The following RNF150 variants were observed in gnomAD, a reference collection of about 807,000 sequenced individuals.
RNF150 encodes the protein ring finger protein 150.
RNF150 carries 24 observed loss-of-function variants against 39.3 expected under a neutral mutation model. That is an observed-to-expected ratio of 0.61 (90% CI 0.44 to 0.86). The LOEUF is 0.86. RNF150 is among the 40% of genes least tolerant of loss of function. The probability of loss-of-function intolerance (pLI) is 0.00; values close to 1 mark genes in which losing one functional copy is unlikely to be tolerated. For missense variants in RNF150, 502 were observed against 587.8 expected (o/e 0.85, Z 1.51); for synonymous variants, 255 against 227.3 (o/e 1.12, Z -1.10).
intron 1 of RNF150, among the ~76,000 whole-genome samples, chr4:141,110,398 G>T (rs948165034): frequency 2.0e-5 from 3 of 151,944 alleles, no homozygotes; most frequent in South Asian, 4.2e-4. Context: ...TTAAAGCAAG[G>T]CCCCTAAGCC....
rs1728481794 is a variant in RNF150, at chr4:140,861,318, C to T, written c.*6943G>A. 6.6e-6 allele frequency: 1 copy of T among 152,190 alleles called. No homozygotes were observed. Among genetic ancestry groups the T allele is most frequent in the Non-Finnish European group, 1.5e-5 (1 of 68,034 alleles). The allele number at this position is 152,190 out of a possible 1,614,324, so 9.4% of individuals were successfully genotyped here. A position where few individuals can be genotyped will look rare whatever the true frequency, so the allele number is the denominator to read the frequency against. Reference sequence around the variant, plus strand: ...GGCATCTTCTTTGCAAACAGAGCAACATTATCCTTCAACATTTTGCAGAAG... The same window carrying T: ...GGCATCTTCTTTGCAAACAGAGCAATATTATCCTTCAACATTTTGCAGAAG... On this transcript the variant is annotated 3_prime_UTR_variant, in exon 7 of 7. Coordinates refer to ENST00000515673, the MANE Select transcript of RNF150 (RefSeq NM_020724.2).
intron 1 of RNF150, among the ~76,000 whole-genome samples, chr4:141,105,628 C>G (rs1224988049): frequency 6.6e-6 from 1 of 152,164 alleles, no homozygotes; most frequent in East Asian, 1.9e-4. Context: ...CAAGCCTCAG[C>G]AATCTCAAAT....
At chr4:140,902,410 A>G (rs1560956319) in intron 6 of RNF150, among the ~76,000 whole-genome samples, 1 of 152,266 alleles carries the variant, frequency 6.6e-6, no homozygotes, top group African/African-American at 2.4e-5. Context: ...GCTCTTTACA[A>G]TTTGGTACAC....
intron 1 of RNF150, among the ~76,000 whole-genome samples, chr4:141,036,444 A>C (rs111410439): frequency 1.2e-4 from 19 of 152,300 alleles, no homozygotes; most frequent in African/African-American, 4.1e-4. Context: ...GCAGCATAGT[A>C]GTGCTAACTC....
intron 1 of RNF150, among the ~76,000 whole-genome samples, chr4:141,184,839 C>A (rs528280502): frequency 9.6e-4 from 145 of 150,600 alleles, no homozygotes; most frequent in African/African-American, 3.4e-3. Context: ...TTTCTGAGGC[C>A]TCTGTTTTGT....
intron 6 of RNF150, among the ~76,000 whole-genome samples, chr4:140,874,745 G>A (rs183106517): frequency 2.6e-5 from 4 of 152,142 alleles, no homozygotes; most frequent in Non-Finnish European, 4.4e-5. Flanking sequence ...CTGAATAGCC[G>A]GGACTACAGG....
At chr4:141,000,798 G>A (rs1022832489) in intron 1 of RNF150, among the ~76,000 whole-genome samples, 3 of 152,178 alleles carry the variant, frequency 2.0e-5, no homozygotes, top group South Asian at 2.1e-4. Flanking sequence ...GGGAGGCCAC[G>A]TAAATGTTAA....
chr4:140,895,802 A>T (rs961437892), intron 6 of RNF150, among the ~76,000 whole-genome samples: 5 of 152,176 alleles, frequency 3.3e-5, no homozygotes, highest in Non-Finnish European at 7.4e-5. Flanking sequence ...TTCTTTCAAA[A>T]CTTATCTTTT....
intron 1 of RNF150, chr4:140,996,962 T>A (rs1243925673): frequency 6.6e-6 from 1 of 152,238 alleles, no homozygotes; most frequent in African/African-American, 2.4e-5. Flanking sequence ...ACATACAGTG[T>A]GAAGTAAATT....
chr4:140,917,036 A>T (rs1168573775), intron 5 of RNF150, among the ~76,000 whole-genome samples: 1 of 152,224 alleles, frequency 6.6e-6, no homozygotes, highest in African/African-American at 2.4e-5. Flanking sequence ...AGAGCTCCTG[A>T]AGGAAGCACT....
Position 141,132,776 on chromosome 4 carries a change from A to G in RNF150, c.33T>C (p.Ser11=), listed in dbSNP as rs1474776561. 1 of 1,610,272 alleles carries G rather than the reference A, an allele frequency of 6.2e-7. No homozygotes were observed. Among genetic ancestry groups the G allele is most frequent in the Non-Finnish European group, 8.5e-7 (1 of 1,178,512 alleles). ...AAAGCAGCCATGTTGAGAGAGCCAG[A>G]CTGCAGCACGCTTGGATGAGAGACA... MAMSLIQACC[S]LALSTWLLSF... Residue 11 remains serine (S), a synonymous_variant, in exon 1 of 7, where the codon AGT becomes AGC. Transcript: ENST00000515673. The surrounding 1 kb of genome is among the most constrained non-coding windows in gnomAD (Gnocchi z 4.9).
intron 5 of RNF150, among the ~76,000 whole-genome samples, chr4:140,924,612 C>G (rs907330141): frequency 3.3e-5 from 5 of 152,186 alleles, no homozygotes; most frequent in African/African-American, 1.2e-4. Flanking sequence ...CCCTGAAAGA[C>G]TCAGTTATAG....
At chr4:140,919,272 T>C (rs917239910) in intron 5 of RNF150, among the ~76,000 whole-genome samples, 25 of 144,592 alleles carry the variant, frequency 1.7e-4, no homozygotes, top group African/African-American at 6.2e-4. Context: ...GACATGATTG[T>C]ATATCTAGAA....
At chr4:141,097,468 A>G (rs1238696348) in intron 1 of RNF150, among the ~76,000 whole-genome samples, 1 of 152,218 alleles carries the variant, frequency 6.6e-6, no homozygotes, top group Admixed American at 6.5e-5. Flanking sequence ...ACTAAGTAAT[A>G]AGATAGCCTT....
At chr4:141,044,965 C>T (rs1190879587) in intron 1 of RNF150, among the ~76,000 whole-genome samples, 1 of 152,118 alleles carries the variant, frequency 6.6e-6, no homozygotes, top group African/African-American at 2.4e-5. Flanking sequence ...TTACCATGTG[C>T]CAAGGCATTG....
intron 6 of RNF150, among the ~76,000 whole-genome samples, chr4:140,890,344 G>A (rs112586324): frequency 1.3e-4 from 19 of 151,888 alleles, no homozygotes; most frequent in Admixed American, 2.6e-4. Context: ...TAGTTTATTC[G>A]TCCTTTCCCC....
intron 4 of RNF150, among the ~76,000 whole-genome samples, chr4:140,933,739 T>A (rs760438745): frequency 3.3e-5 from 5 of 152,356 alleles, no homozygotes; most frequent in Non-Finnish European, 7.3e-5. Context: ...TTCCTTGTGA[T>A]GGTGAACTTC....
chr4:140,949,289 G>A lies in RNF150; in HGVS notation c.807+12C>T, dbSNP rs1448876052. 6.3e-7 allele frequency: 1 copy of A among 1,599,456 alleles called. No individual in the cohort carries two copies. Among genetic ancestry groups the A allele is most frequent in the Admixed American group, 1.7e-5 (1 of 58,800 alleles). ...ATAGCTCCTCACCAAAAAGAAAAGA[G>A]GCTGCTATTACCTTGTCACCCTTCT... is the stretch of plus-strand genomic sequence containing the variant. On this transcript the variant is annotated intron_variant, in intron 3 of 6. Transcript: ENST00000515673.
Position 141,190,157 on chromosome 4 carries a change from C to G in RNF150, c.-6+22637G>C, listed in dbSNP as rs144191787. Reference sequence around the variant, plus strand: ...TCTGCTTGCCCTCCAGGGGCTGTACCCACTTCTAGCCAGTCTGAATTAGAT... The same window carrying G: ...TCTGCTTGCCCTCCAGGGGCTGTACGCACTTCTAGCCAGTCTGAATTAGAT... On this transcript the variant is annotated intron_variant, in intron 1 of 7. Coordinates refer to the RNF150 transcript ENST00000420921. 2.3e-3 allele frequency among the ~76,000 whole-genome samples: 348 copies of G among 152,210 alleles called. 5 individuals carry two copies. Among genetic ancestry groups the G allele is most frequent in the African/African-American group, 7.9e-3 (329 of 41,536 alleles).
Sources: allele counts gnomAD v4.1 joint callset (sites outside exome capture counted in the v4.1 genomes callset), GRCh38; gene constraint gnomAD v4.1.1; non-coding constraint Gnocchi (gnomAD v3.1); transcripts MANE v1.5; gene names NCBI Gene and HGNC (gene_info 2026-07-23, HGNC 2026-07-21).